Variants in LDLRAD1 observed in about 807,000 individuals in gnomAD.
The protein encoded by LDLRAD1 is low-density lipoprotein receptor class A domain-containing protein 1.
A neutral mutation model predicts 24.8 loss-of-function variants in LDLRAD1; 17 were observed. The ratio of observed to expected loss-of-function variants is 0.69; its 90% confidence interval spans 0.47 to 1.03. The LOEUF (loss-of-function observed/expected upper bound fraction) is 1.03. LDLRAD1 is among the 50% of genes least tolerant of loss of function. The pLI is 0.00. For missense variants in LDLRAD1, 277 were observed against 271.0 expected (o/e 1.02, Z -0.16); for synonymous variants, 103 against 108.2 (o/e 0.95, Z 0.30).
chr1:54,012,942 C>T (rs1282760249), intron 3 of LDLRAD1, among the ~76,000 whole-genome samples: 1 of 152,100 alleles, frequency 6.6e-6, no homozygotes, highest in Non-Finnish European at 1.5e-5. Context: ...ACCCCTTGGC[C>T]CCACATGTGT....
At chr1:54,015,881 C>G (rs1656284509) in intron 2 of LDLRAD1, among the ~76,000 whole-genome samples, 1 of 152,076 alleles carries the variant, frequency 6.6e-6, no homozygotes, top group Admixed American at 6.5e-5. Flanking sequence ...TCTTGAACTC[C>G]TGACCTCAGG....
In LDLRAD1 at chr1:54,018,079, G is replaced by C. The variant is rs772140732; in HGVS notation, c.21+13C>G. On this transcript the variant is annotated intron_variant, in intron 1 of 5. Coordinates refer to ENST00000371360, the MANE Select transcript of LDLRAD1 (RefSeq NM_001010978.4). ...TTACTTGGAGACAACTCTCACCTGG[G>C]GACAGCTCTCACCTGGGGGAAGACC... is the stretch of plus-strand genomic sequence containing the variant. 4 of 1,610,402 alleles carry C rather than the reference G, an allele frequency of 2.5e-6. No individual in the cohort carries two copies. Among genetic ancestry groups the C allele is most frequent in the Non-Finnish European group, 3.4e-6 (4 of 1,176,756 alleles).
Position 54,017,456 on chromosome 1 carries a change from G to A in LDLRAD1, c.22-29C>T, listed in dbSNP as rs996674045. ...CCCAAGAGAACAGAGTGAGGGGTGGGCTTAGGTGAGGTGAGCTCCAGCCTC... is the reference window on the plus strand; with the variant it reads ...CCCAAGAGAACAGAGTGAGGGGTGGACTTAGGTGAGGTGAGCTCCAGCCTC... On this transcript the variant is annotated intron_variant, in intron 1 of 5. Transcript: ENST00000371360. 4.4e-6 allele frequency: 7 copies of A among 1,580,224 alleles called. No individual in the cohort carries two copies. In the African/African-American group the frequency reaches 5.4e-5, roughly 12 times the overall value.
intron 4 of LDLRAD1, 23 bp from the exon 5 acceptor site, chr1:54,010,433 G>A (rs1656003464): frequency 1.2e-6 from 2 of 1,613,120 alleles, no homozygotes; most frequent in African/African-American, 1.3e-5. Context: ...AGAGGAGGCA[G>A]GAAGAAGTCC....
intron 5 of LDLRAD1, 47 bp downstream of exon 5, chr1:54,010,235 T>C (rs763297973): frequency 6.2e-7 from 1 of 1,608,610 alleles, no homozygotes; most frequent in Non-Finnish European, 8.5e-7. Context: ...GCCCTCTGGC[T>C]GCTGCCTGGA....
chr1:54,008,691 A>G lies in LDLRAD1; in HGVS notation c.*291T>C. On this transcript the variant is annotated 3_prime_UTR_variant, in exon 6 of 6. Coordinates refer to ENST00000371360, the MANE Select transcript of LDLRAD1 (RefSeq NM_001010978.4). ...CAGCCTCCCTAGTAGCTGGGACTAT[A>G]GGTGTGCACCGCCATGCCTGGCTAA... The G allele has an allele frequency of 3.2e-6, 1 of 313,542 alleles. No individual in the cohort carries two copies. The highest frequency in any genetic ancestry group is 6.1e-6 in the Non-Finnish European group (1 of 164,978). The allele number at this position is 313,542 out of a possible 1,614,324, so 19.4% of individuals were successfully genotyped here.
chr1:54,013,908 G>A (rs1446433722), intron 3 of LDLRAD1, among the ~76,000 whole-genome samples: 1 of 152,062 alleles, frequency 6.6e-6, no homozygotes, highest in Non-Finnish European at 1.5e-5. Flanking sequence ...CCCCGGGGTG[G>A]CCAGGCCAGG....
At chr1:54,012,458 G>C (rs1656101390) in intron 3 of LDLRAD1, among the ~76,000 whole-genome samples, 178 bp from the exon 4 acceptor site, 1 of 152,164 alleles carries the variant, frequency 6.6e-6, no homozygotes, top group Non-Finnish European at 1.5e-5. Context: ...CCTGATCTTG[G>C]GCAGATGACC....
intron 2 of LDLRAD1, among the ~76,000 whole-genome samples, chr1:54,014,796 A>G (rs763072107): frequency 2.0e-5 from 3 of 152,206 alleles, no homozygotes; most frequent in Admixed American, 6.5e-5. Context: ...GAAAAGATTC[A>G]TGTCACCCTG....
At position 54,013,633 on chromosome 1, in the gene LDLRAD1, TGCCTGG is replaced by T. The variant is rs527828667; in HGVS notation, c.202+597_202+602del. 1.7e-3 allele frequency among the ~76,000 whole-genome samples: 263 copies of T among 152,194 alleles called. 1 individual carries two copies. The highest frequency in any genetic ancestry group is 3.2e-3 in the Non-Finnish European group (215 of 68,006). Reference sequence around the variant, plus strand: ...AGGGCTCCACACATGCTGTTCCCTGTGCCTGGGATGCTTTTCCTGGCATCCCCCCAC... The same window carrying T: ...AGGGCTCCACACATGCTGTTCCCTGTGATGCTTTTCCTGGCATCCCCCCAC... On this transcript the variant is annotated intron_variant, in intron 3 of 5. Transcript: ENST00000371360.
chr1:54,012,326 C>A lies in LDLRAD1; in HGVS notation c.203-46G>T, dbSNP rs1656096177. ...CCTGGAGGGTCAAGGGTGGTGCTCA[C>A]AAGGACAAACCTTCCTCACCTGAAC... is the stretch of plus-strand genomic sequence containing the variant. On this transcript the variant is annotated intron_variant, in intron 3 of 5. Transcript: ENST00000371360. 7 of 1,607,574 alleles carry A rather than the reference C, an allele frequency of 4.4e-6. 1 individual carries two copies.
chr1:54,014,397 G>T, intron 2 of LDLRAD1, 33 bp from the exon 3 acceptor site: 1 of 1,537,016 alleles, frequency 6.5e-7, no homozygotes. Flanking sequence ...CGGGGGTGGT[G>T]GTGATAGGGG....
At chr1:54,014,160 G>A (rs951063467) in intron 3 of LDLRAD1, 76 bp downstream of exon 3, 28 of 1,514,166 alleles carry the variant, frequency 1.8e-5, no homozygotes, top group Non-Finnish European at 2.1e-5. Context: ...CAGGCAGGTC[G>A]GGGCTCCCTC....
At chr1:54,012,943 C>G (rs922196477) in intron 3 of LDLRAD1, among the ~76,000 whole-genome samples, 1 of 152,128 alleles carries the variant, frequency 6.6e-6, no homozygotes, top group Non-Finnish European at 1.5e-5. Flanking sequence ...CCCCTTGGCC[C>G]CACATGTGTA....
intron 1 of LDLRAD1, 127 bp from the exon 2 acceptor site, chr1:54,017,554 C>G: frequency 1.3e-6 from 1 of 746,018 alleles, no homozygotes; most frequent in Non-Finnish European, 2.4e-6. Flanking sequence ...TCCGTCACAC[C>G]CCAGCATCTC....
intron 2 of LDLRAD1, among the ~76,000 whole-genome samples, chr1:54,016,633 G>T (rs1537322): frequency 0.48 from 72,660 of 151,996 alleles, 17,748 homozygotes; most frequent in East Asian, 0.6. Flanking sequence ...CTGGGGCTTT[G>T]TAACCAGAGA....
chr1:54,015,348 C>T (rs1047428135), intron 2 of LDLRAD1, among the ~76,000 whole-genome samples: 3 of 152,178 alleles, frequency 2.0e-5, no homozygotes, highest in African/African-American at 7.2e-5. Flanking sequence ...AGGGGACGTC[C>T]CTGCTCTTGT....
At chr1:54,010,042 T>C (rs1394380062) in intron 5 of LDLRAD1, among the ~76,000 whole-genome samples, 1 of 152,114 alleles carries the variant, frequency 6.6e-6, no homozygotes, top group Non-Finnish European at 1.5e-5. Context: ...GGGACCCAGT[T>C]TTCTCATCTG....
intron 2 of LDLRAD1, 59 bp downstream of exon 2, chr1:54,017,317 A>G: frequency 2.8e-6 from 4 of 1,430,258 alleles, no homozygotes; most frequent in Non-Finnish European, 3.9e-6. Context: ...CTCTATCGCC[A>G]ACTGCCAGCT....
Sources: gnomAD v4.1 joint callset for allele counts (sites outside exome capture counted in the v4.1 genomes callset) on GRCh38, gnomAD v4.1.1 for gene constraint, MANE v1.5 for transcripts, NCBI Gene and HGNC (gene_info 2026-07-23, HGNC 2026-07-21) for gene names.